Variants in EPHB2 observed in about 807,000 individuals in gnomAD.
EPHB2 encodes ephrin type-B receptor 2.
Under a neutral mutation model 96.4 loss-of-function variants are expected in EPHB2, and 18 were observed. The observed-to-expected ratio is 0.19, with a 90% CI of 0.13 to 0.28. The LOEUF is 0.28. Among genes scored for constraint, EPHB2 ranks in the 10% least tolerant of loss-of-function variants. The probability of loss-of-function intolerance (pLI) is 1.00; values close to 1 mark genes in which losing one functional copy is unlikely to be tolerated. For synonymous variants in EPHB2, 506 were observed against 534.1 expected (o/e 0.95, Z 0.72); for missense variants, 989 against 1,355.4 (o/e 0.73, Z 4.25).
intron 5 of EPHB2, among the ~76,000 whole-genome samples, chr1:22,877,987 A>G (rs1039654425): frequency 1.3e-5 from 2 of 152,236 alleles, no homozygotes; most frequent in South Asian, 4.1e-4. Context: ...TCAAGTTTTA[A>G]AAGTGCTGCA....
chr1:22,711,872 C>A (rs1643158288), intron 1 of EPHB2, among the ~76,000 whole-genome samples: 1 of 152,210 alleles, frequency 6.6e-6, no homozygotes, highest in African/African-American at 2.4e-5. Flanking sequence ...ACCACTCGAC[C>A]CCCAGGGGGG....
intron 1 of EPHB2, among the ~76,000 whole-genome samples, chr1:22,768,330 ACTT>A (rs1557662526): frequency 6.6e-6 from 1 of 152,150 alleles, no homozygotes; most frequent in African/African-American, 2.4e-5. Flanking sequence ...CTGTCAGGCC[ACTT>A]CTTCTGTGGT....
At chr1:22,862,965 A>C in intron 3 of EPHB2, 72 bp from the exon 4 acceptor site, 1 of 1,602,094 alleles carries the variant, frequency 6.2e-7, no homozygotes, top group Non-Finnish European at 8.5e-7. Flanking sequence ...CCCCTCCGTG[A>C]GGCTGCGTGG....
At chr1:22,787,146 A>G (rs1644623955) in intron 3 of EPHB2, among the ~76,000 whole-genome samples, 3 of 152,214 alleles carry the variant, frequency 2.0e-5, no homozygotes, top group African/African-American at 7.2e-5. Context: ...AGACAGACAA[A>G]TAAATGTACA....
chr1:22,912,719 C>A (rs1640149277), intron 15 of EPHB2, 120 bp downstream of exon 15: 7 of 1,496,966 alleles, frequency 4.7e-6, no homozygotes. Context: ...AAGCAGGGAC[C>A]AAGGGGCAAG....
intron 2 of EPHB2, among the ~76,000 whole-genome samples, chr1:22,783,339 G>A (rs1449971894): frequency 1.3e-5 from 2 of 152,210 alleles, no homozygotes; most frequent in African/African-American, 2.4e-5. Context: ...TGCTGTTGGG[G>A]CTCCTTTGGG....
Position 22,864,890 on chromosome 1 carries a change from G to T in EPHB2, c.981G>T (p.Ala327=), listed in dbSNP as rs199559345. The part of the protein sequence containing the change: ...LDMPCTTIPS[A]PQAVISSVNE... The stretch of plus-strand genomic sequence containing the variant: ...CCCCCGCCCCAGCCATCCCCTCCGC[G>T]CCCCAGGCTGTGATTTCCAGTGTCA... The change falls in exon 5 of 16, where the codon GCG becomes GCT. Residue 327 remains alanine, a synonymous_variant. Coordinates refer to ENST00000374630, the MANE Select transcript of EPHB2 (RefSeq NM_017449.5). The T allele has an allele frequency of 2.9e-5, 45 of 1,552,598 alleles. No homozygotes were observed. Among genetic ancestry groups the T allele is most frequent in the Non-Finnish European group, 3.9e-5 (45 of 1,147,184 alleles).
chr1:22,820,517 G>T (rs1645138291), intron 3 of EPHB2, among the ~76,000 whole-genome samples: 1 of 151,942 alleles, frequency 6.6e-6, no homozygotes, highest in South Asian at 2.1e-4. Flanking sequence ...AAAAAAATTA[G>T]CCGGGTGTGG....
intron 3 of EPHB2, among the ~76,000 whole-genome samples, chr1:22,822,079 A>G (rs536703456): frequency 5.9e-5 from 9 of 152,370 alleles, no homozygotes; most frequent in African/African-American, 2.2e-4. Flanking sequence ...GTAAGTAAGT[A>G]TCTCCTTATT....
chr1:22,906,973 A>G lies in EPHB2; in HGVS notation c.2136+16A>G. 1 of 1,600,696 alleles carries G rather than the reference A, an allele frequency of 6.2e-7. No homozygotes were observed. Among genetic ancestry groups the G allele is most frequent in the South Asian group, 1.1e-5 (1 of 89,374 alleles). ...CTTTCTCCGGGTAGGGGAAGCCAAG[A>G]GGGCCAGGGGCCCATGAATGGGGCA... On this transcript the variant is annotated intron_variant, in intron 11 of 15. Coordinates refer to ENST00000374630, the MANE Select transcript of EPHB2 (RefSeq NM_017449.5). This position sits in a 1 kb window ranked among gnomAD's most constrained non-coding sequence, Gnocchi z 4.8.
chr1:22,797,504 G>C (rs1644784174), intron 3 of EPHB2, among the ~76,000 whole-genome samples: 1 of 151,966 alleles, frequency 6.6e-6, no homozygotes, highest in Admixed American at 6.6e-5. Flanking sequence ...CCAGTGCTGT[G>C]TCCTTGGCCT....
chr1:22,888,898 T>A (rs1000488501), intron 6 of EPHB2, among the ~76,000 whole-genome samples: 1 of 152,226 alleles, frequency 6.6e-6, no homozygotes, highest in African/African-American at 2.4e-5. Flanking sequence ...CTCATGTCTG[T>A]AATCCCAGCA....
intron 3 of EPHB2, among the ~76,000 whole-genome samples, chr1:22,809,958 T>C (rs971170496): frequency 2.0e-5 from 3 of 152,178 alleles, no homozygotes; most frequent in Non-Finnish European, 4.4e-5. Context: ...AGGGTAGGGC[T>C]TCACTTAGGA....
chr1:22,830,877 A>G (rs564941454), intron 3 of EPHB2, among the ~76,000 whole-genome samples: 7 of 152,302 alleles, frequency 4.6e-5, no homozygotes, highest in African/African-American at 1.7e-4. Flanking sequence ...CTTTATGCCA[A>G]CGGTCTTAGA....
Position 22,714,164 on chromosome 1 carries a change from AAG to A in EPHB2, c.61+3124_61+3125del, listed in dbSNP as rs1324578992. On this transcript the variant is annotated intron_variant, in intron 1 of 15. Coordinates refer to ENST00000374630, the MANE Select transcript of EPHB2 (RefSeq NM_017449.5). ...GGAGACGGGACAAGCTGACAGGGAA[AAG>A]AGTGGGCGAGACAGAGCATGATACG... Among the ~76,000 whole-genome samples, 3 of 152,180 alleles carry A rather than the reference AAG, an allele frequency of 2.0e-5. 1 individual carries two copies. The highest frequency in any genetic ancestry group is 4.2e-4 in the South Asian group (2 of 4,818).
rs147223001 is a variant in EPHB2 at position 22,892,958 on chromosome 1, C to T, written c.1503C>T (p.Gly501=). The change falls in exon 7 of 16, where the codon GGC becomes GGT. Residue 501 remains glycine (G), a synonymous_variant. Coordinates refer to ENST00000374630, the MANE Select transcript of EPHB2 (RefSeq NM_017449.5). ...NTVTVQGLKA[G]AIYVFQVRAR... The stretch of plus-strand genomic sequence containing the variant: ...TCACCGTGCAGGGCCTCAAAGCCGG[C>T]GCCATCTATGTCTTCCAGGTGCGGG... 104 of 1,614,118 alleles carry T rather than the reference C, an allele frequency of 6.4e-5. No individual in the cohort carries two copies. The highest frequency in any genetic ancestry group is 3.0e-4 in the Admixed American group (18 of 60,014).
rs1049558599 is a variant in EPHB2 at position 22,913,052 on chromosome 1, G to A, written c.2853-410G>A. The stretch of plus-strand genomic sequence containing the variant: ...TACTAAAATGCAAAAAATTAGCCAC[G>A]CAAGGTGGCATGCACCTGTAATGCC... On this transcript the variant is annotated intron_variant, in intron 15 of 15. Transcript: ENST00000374630. The surrounding 1 kb of genome is among the most constrained non-coding windows in gnomAD (Gnocchi z 4.1). 16 of 352,888 alleles carry A rather than the reference G, an allele frequency of 4.5e-5. No homozygotes were observed. Among genetic ancestry groups the A allele is most frequent in the South Asian group, 2.8e-4 (12 of 42,168 alleles). 21.9% of individuals were successfully genotyped at this position (352,888 alleles called of 1,614,324 possible).
chr1:22,760,219 C>T (rs1206648733), intron 1 of EPHB2, among the ~76,000 whole-genome samples: 2 of 152,048 alleles, frequency 1.3e-5, no homozygotes, highest in South Asian at 4.2e-4. Flanking sequence ...AAATAATTAT[C>T]TCCCCGCATG....
intron 9 of EPHB2, among the ~76,000 whole-genome samples, chr1:22,899,941 C>G (rs1236693717): frequency 1.3e-5 from 2 of 152,142 alleles, no homozygotes; most frequent in Non-Finnish European, 2.9e-5. Context: ...CTGCAGTGAA[C>G]CATGGTCTCA....
Sources: allele counts gnomAD v4.1 joint callset (sites outside exome capture counted in the v4.1 genomes callset), GRCh38; gene constraint gnomAD v4.1.1; non-coding constraint Gnocchi (gnomAD v3.1); transcripts MANE v1.5; gene names NCBI Gene and HGNC (gene_info 2026-07-23, HGNC 2026-07-21).